RTN1: variants seen among roughly 807,000 people sequenced by gnomAD.
The protein encoded by RTN1 is reticulon-1.
RTN1 carries 25 observed loss-of-function variants against 65.5 expected under a neutral mutation model. The ratio of observed to expected loss-of-function variants is 0.38; its 90% CI spans 0.28 to 0.53. The LOEUF is 0.53. RTN1 is among the 20% of genes least tolerant of loss of function. RTN1 has a pLI of 0.79. For synonymous variants in RTN1, 471 were observed against 447.6 expected, an observed-to-expected ratio of 1.05 and a Z score of -0.66; for missense variants, 983 against 1,025.4, an observed-to-expected ratio of 0.96 and a Z score of 0.57.
At chr14:59,771,017 C>G (rs943861743) in intron 1 of RTN1, among the ~76,000 whole-genome samples, 1 of 151,776 alleles carries the variant, frequency 6.6e-6, no homozygotes, top group Non-Finnish European at 1.5e-5. Flanking sequence ...TGCACTCCAG[C>G]CTGGGCGACA....
intron 8 of RTN1, 134 bp from the exon 9 acceptor site, chr14:59,596,921 C>G: frequency 1.6e-6 from 1 of 636,480 alleles, no homozygotes; most frequent in South Asian, 2.0e-5. Flanking sequence ...TATGTAAGTA[C>G]ATCTGCAAAT....
intron 3 of RTN1, among the ~76,000 whole-genome samples, chr14:59,632,939 A>C (rs1309063553): frequency 1.3e-5 from 2 of 151,998 alleles, no homozygotes; most frequent in African/African-American, 2.4e-5. Flanking sequence ...TAAAAAAAAT[A>C]CAAAAAAAAA....
intron 1 of RTN1, among the ~76,000 whole-genome samples, chr14:59,786,458 T>C (rs1886251224): frequency 6.6e-6 from 1 of 152,098 alleles, no homozygotes; most frequent in African/African-American, 2.4e-5. Context: ...TAAATTATAC[T>C]GAATATAAAG....
At chr14:59,828,927 T>C (rs1458196077) in intron 1 of RTN1, among the ~76,000 whole-genome samples, 1 of 152,202 alleles carries the variant, frequency 6.6e-6, no homozygotes, top group Non-Finnish European at 1.5e-5. Flanking sequence ...AATAATTCTA[T>C]GCCTAATGGA....
intron 1 of RTN1, among the ~76,000 whole-genome samples, chr14:59,751,657 T>TG: frequency 6.6e-6 from 1 of 152,300 alleles, no homozygotes; most frequent in East Asian, 1.9e-4. Context: ...AGGCTGTATC[T>TG]CAGTCATTAT....
chr14:59,680,270 G>A (rs1449992581), intron 3 of RTN1, among the ~76,000 whole-genome samples: 1 of 151,864 alleles, frequency 6.6e-6, no homozygotes, highest in African/African-American at 2.4e-5. Context: ...TACTAAAAAG[G>A]AAAGAGCAAT....
chr14:59,634,975 G>A (rs899402038), intron 3 of RTN1, among the ~76,000 whole-genome samples: 1 of 152,176 alleles, frequency 6.6e-6, no homozygotes, highest in Non-Finnish European at 1.5e-5. Context: ...ACACTGAAGG[G>A]TTTTGAGAAG....
In RTN1 at chr14:59,597,152, G is replaced by A. The variant is rs553561371; in HGVS notation, c.2289-365C>T. ...GAGAGAAAGTGCTATTACTGACTATGCCAGGAAGATGAGCATAAGTAGGGA... is the reference window on the plus strand; with the variant it reads ...GAGAGAAAGTGCTATTACTGACTATACCAGGAAGATGAGCATAAGTAGGGA... On this transcript the variant is annotated intron_variant, in intron 8 of 8. Transcript: ENST00000267484. 3.3e-5 allele frequency among the ~76,000 whole-genome samples: 5 copies of A among 152,282 alleles called. No individual in the cohort carries two copies. The East Asian group carries it at 7.7e-4, about 24-fold the overall frequency.
At chr14:59,860,726 T>G (rs1887693773) in intron 1 of RTN1, among the ~76,000 whole-genome samples, 1 of 152,138 alleles carries the variant, frequency 6.6e-6, no homozygotes, top group Admixed American at 6.5e-5. Flanking sequence ...ACCTCCTGCA[T>G]CAGTGTGACC....
intron 1 of RTN1, among the ~76,000 whole-genome samples, chr14:59,750,346 A>T (rs866775283): frequency 9.9e-5 from 4 of 40,396 alleles, no homozygotes; most frequent in African/African-American, 1.7e-4. Context: ...TATATCTATA[A>T]TATATATTAT....
chr14:59,673,125 T>C (rs1378107730), intron 3 of RTN1, among the ~76,000 whole-genome samples: 1 of 152,248 alleles, frequency 6.6e-6, no homozygotes, highest in African/African-American at 2.4e-5. Context: ...TTGTGCACTT[T>C]CTTCCAATGG....
At chr14:59,618,524 GA>G (rs1331800545) in intron 3 of RTN1, among the ~76,000 whole-genome samples, 1 of 152,214 alleles carries the variant, frequency 6.6e-6, no homozygotes, top group Non-Finnish European at 1.5e-5. Flanking sequence ...TCTGCTCCCT[GA>G]ATGCTCAGTG....
chr14:59,845,888 A>G (rs771757206), intron 1 of RTN1, among the ~76,000 whole-genome samples: 69 of 152,164 alleles, frequency 4.5e-4, no homozygotes, highest in Non-Finnish European at 8.4e-4. Context: ...GCCATGGACA[A>G]TTCTACATAG....
chr14:59,649,038 T>C (rs1194360464), intron 3 of RTN1, among the ~76,000 whole-genome samples: 2 of 152,178 alleles, frequency 1.3e-5, no homozygotes, highest in Non-Finnish European at 2.9e-5. Context: ...CAAAACAGTA[T>C]GGTACTGGTA....
rs369367278 is a variant in RTN1, at chr14:59,607,428, C to T, written c.1830G>A (p.Leu610=). The change falls in exon 4 of 9, where the codon CTG becomes CTA. Residue 610 remains leucine (L), a synonymous_variant. Coordinates refer to ENST00000267484, the MANE Select transcript of RTN1 (RefSeq NM_021136.3). ...QTGIVFGSFL[L]LLFSLTQFSV... ...TGAACTGGGTCAGGGAGAAGAGCAG[C>T]AGCAGGAAACTCCCAAACACGATGC... 3.1e-6 allele frequency: 5 copies of T among 1,613,250 alleles called. No homozygotes were observed. Among genetic ancestry groups the T allele is most frequent in the South Asian group, 2.2e-5 (2 of 90,942 alleles).
intron 1 of RTN1, among the ~76,000 whole-genome samples, chr14:59,781,390 T>A (rs987274131): frequency 1.2e-4 from 18 of 152,104 alleles, no homozygotes; most frequent in African/African-American, 3.9e-4. Flanking sequence ...CAATTGTTCT[T>A]GCTGAATATG....
At chr14:59,678,158 G>A (rs748985410) in intron 3 of RTN1, among the ~76,000 whole-genome samples, 3 of 152,204 alleles carry the variant, frequency 2.0e-5, no homozygotes, top group Non-Finnish European at 4.4e-5. Flanking sequence ...GACAAGTCCT[G>A]TTCTGGGGTC....
At chr14:59,692,582 C>A (rs997900568) in intron 3 of RTN1, among the ~76,000 whole-genome samples, 2 of 151,966 alleles carry the variant, frequency 1.3e-5, no homozygotes, top group Non-Finnish European at 2.9e-5. Flanking sequence ...CATATGGAAC[C>A]AAAAAGAGCC....
intron 8 of RTN1, among the ~76,000 whole-genome samples, chr14:59,598,923 GGT>G (rs1379090545): frequency 6.6e-6 from 1 of 152,060 alleles, no homozygotes; most frequent in Non-Finnish European, 1.5e-5. Flanking sequence ...ACAGTACCCT[GGT>G]CATCTTTGTG....
Sources: gnomAD v4.1 joint callset for allele counts (sites outside exome capture counted in the v4.1 genomes callset) on GRCh38, gnomAD v4.1.1 for gene constraint, MANE v1.5 for transcripts, NCBI Gene and HGNC (gene_info 2026-07-23, HGNC 2026-07-21) for gene names.